The following PCDHA4 variants were observed in gnomAD, a reference collection of about 807,000 sequenced individuals.
PCDHA4 encodes protocadherin alpha-4.
Under a neutral mutation model 61.4 loss-of-function variants are expected in PCDHA4, and 49 were observed. The ratio of observed to expected loss-of-function variants is 0.80; its 90% CI spans 0.63 to 1.01. The LOEUF is 1.01. Among genes scored for constraint, PCDHA4 ranks in the 50% least tolerant of loss-of-function variants. The pLI, the probability that PCDHA4 is intolerant of heterozygous loss-of-function variation, is 0.00. For missense variants in PCDHA4, 1,254 were observed against 1,235.8 expected, an observed-to-expected ratio of 1.01 and a Z score of -0.22; for synonymous variants, 590 against 550.3, an observed-to-expected ratio of 1.07 and a Z score of -1.01.
chr5:140,835,129 T>C, intron 1 of PCDHA4: 1 of 1,358,528 alleles, frequency 7.4e-7, no homozygotes, highest in Non-Finnish European at 1.0e-6. Context: ...CTGTATACGG[T>C]GAAATTACCA....
intron 1 of PCDHA4, chr5:140,830,311 G>A (rs2150184835): frequency 2.0e-5 from 32 of 1,613,870 alleles, no homozygotes; most frequent in Non-Finnish European, 2.5e-5. Context: ...CCACGCTGGT[G>A]TGCTCCAGCG....
At chr5:140,882,071 ATGGTGTC>A in intron 1 of PCDHA4, 1 of 864,194 alleles carries the variant, frequency 1.2e-6, no homozygotes, top group Non-Finnish European at 1.7e-6. Context: ...GTTCATGCGC[ATGGTGTC>A]GCTCTTCACT....
At chr5:140,853,125 C>T (rs2150528645) in intron 1 of PCDHA4, 31 of 553,956 alleles carry the variant, frequency 5.6e-5, no homozygotes, top group South Asian at 1.5e-4. Context: ...ATGATCCTCC[C>T]GCCTCAGCCT....
At chr5:140,973,984 C>CT (rs2096610197) in intron 1 of PCDHA4, among the ~76,000 whole-genome samples, 1 of 152,186 alleles carries the variant, frequency 6.6e-6, no homozygotes, top group East Asian at 1.9e-4. Flanking sequence ...TTTTACAGAA[C>CT]TTCACCTGGA....
intron 3 of PCDHA4, 24 bp from the exon 4 acceptor site, chr5:141,009,603 G>A (rs1554262223): frequency 1.2e-6 from 2 of 1,608,568 alleles, no homozygotes; most frequent in African/African-American, 2.7e-5. Context: ...CCCTGTTAAT[G>A]ATTTGTAATG....
chr5:140,808,939 G>T lies in PCDHA4; in HGVS notation c.1752G>T (p.Ser584=), dbSNP rs1168359860. The change falls in exon 1 of 4, where the codon TCG becomes TCT. Residue 584 remains serine, a synonymous_variant. Coordinates refer to ENST00000530339, the MANE Select transcript of PCDHA4 (RefSeq NM_018907.4). ...GGAVSELVPW[S]VGVGHVVAKV... ...CAGTGAGCGAGCTGGTGCCATGGTC[G>T]GTGGGTGTGGGCCACGTGGTGGCAA... 1.2e-6 allele frequency: 2 copies of T among 1,613,726 alleles called. No individual in the cohort carries two copies. Among genetic ancestry groups the T allele is most frequent in the East Asian group, 4.5e-5 (2 of 44,878 alleles).
At position 140,869,155 on chromosome 5, in the gene PCDHA4, C is replaced by G. The variant is rs74664704; in HGVS notation, c.2385+59583C>G. On this transcript the variant is annotated intron_variant, in intron 1 of 3. Transcript: ENST00000530339. The stretch of plus-strand genomic sequence containing the variant: ...GGGCACCCCACGACTACAGCTCTGG[C>G]TTCTCCTCCTCGAATTCTGGGAGGT... 3.7e-4 allele frequency: 593 copies of G among 1,613,808 alleles called. 1 individual carries two copies. In the African/African-American group the frequency reaches 7.1e-3, roughly 19 times the overall value.
In PCDHA4 at chr5:140,808,238, G is replaced by C. The variant is rs1764130949; in HGVS notation, c.1051G>C (p.Glu351Gln). The C allele has an allele frequency of 6.2e-7, 1 of 1,614,228 alleles. No individual in the cohort carries two copies. The highest frequency in any genetic ancestry group is 1.7e-5 in the Admixed American group (1 of 60,024). The change falls in exon 1 of 4, where the codon GAA (glutamate) becomes CAA (glutamine). Residue 351 changes from glutamate (E) to glutamine (Q), a missense_variant. By Grantham distance (29) the Glu-to-Gln change is conservative. Transcript: ENST00000530339. The part of the protein sequence containing the change: ...EDNNDNVPDL[E>Q]FKSLSLPIRE... ...CAACAACGATAATGTCCCAGATTTGGAATTCAAGTCTTTATCACTTCCAAT... is the reference window on the plus strand; with the variant it reads ...CAACAACGATAATGTCCCAGATTTGCAATTCAAGTCTTTATCACTTCCAAT...
At chr5:140,968,256 A>G (rs782309414) in intron 1 of PCDHA4, 2 of 1,614,006 alleles carry the variant, frequency 1.2e-6, no homozygotes, top group East Asian at 4.5e-5. Flanking sequence ...ACAGACCCAG[A>G]TGAAAAGGAG....
At position 140,969,614 on chromosome 5, in the gene PCDHA4, T is replaced by G. The variant is rs56144348; in HGVS notation, c.2386-9335T>G. The G allele has an allele frequency of 1.3e-3, 977 of 725,126 alleles. 8 individuals are homozygous for G. In the African/African-American group the frequency reaches 0.016, roughly 12 times the overall value. 44.9% of individuals were successfully genotyped at this position (725,126 alleles called of 1,614,324 possible). A position where few individuals can be genotyped will look rare whatever the true frequency, so the allele number is the denominator to read the frequency against. ...AATATTTAATGCTAAAACACAGATT[T>G]GTAGAGAAACAGGACAGGCCTTGGA... On this transcript the variant is annotated intron_variant, in intron 1 of 3. Transcript: ENST00000530339.
intron 1 of PCDHA4, among the ~76,000 whole-genome samples, chr5:140,886,642 A>T (rs1412113366): frequency 6.6e-6 from 1 of 152,048 alleles, no homozygotes; most frequent in African/African-American, 2.4e-5. Flanking sequence ...CCTGGCCAAC[A>T]TGGTGAAACC....
chr5:140,877,325 C>G lies in PCDHA4; in HGVS notation c.2385+67753C>G. 1.2e-6 allele frequency: 2 copies of G among 1,613,974 alleles called. No individual in the cohort carries two copies. Among genetic ancestry groups the G allele is most frequent in the Non-Finnish European group, 1.7e-6 (2 of 1,179,864 alleles). The stretch of plus-strand genomic sequence containing the variant: ...GAGTTGCAACCGGCGGCGGTCGGCG[C>G]GCACATCCCGTTCCACGTGGGGCTG... On this transcript the variant is annotated intron_variant, in intron 1 of 3. Transcript: ENST00000530339.
intron 1 of PCDHA4, among the ~76,000 whole-genome samples, chr5:140,941,214 CCTTT>C (rs60032403): frequency 6.5e-5 from 8 of 122,492 alleles, no homozygotes; most frequent in Non-Finnish European, 1.2e-4. Context: ...TTTCTTTCTT[CCTTT>C]CTTTCTTTCT....
In PCDHA4 at chr5:140,843,032, G is replaced by A. The variant is rs2150350640; in HGVS notation, c.2385+33460G>A. The stretch of plus-strand genomic sequence containing the variant: ...GCCGGCACTGCTGGAGCCTCGGGTG[G>A]GTGGCACTGGTGGCGCAGCGAGCAA... On this transcript the variant is annotated intron_variant, in intron 1 of 3. Coordinates refer to ENST00000530339, the MANE Select transcript of PCDHA4 (RefSeq NM_018907.4). 13 of 1,595,002 alleles carry A rather than the reference G, an allele frequency of 8.2e-6. 1 individual carries two copies. In the South Asian group the frequency reaches 1.1e-4, roughly 14 times the overall value.
At chr5:140,911,030 C>A (rs995736934) in intron 1 of PCDHA4, among the ~76,000 whole-genome samples, 1 of 152,066 alleles carries the variant, frequency 6.6e-6, no homozygotes, top group East Asian at 1.9e-4. Context: ...AGTTATAGGT[C>A]TAGAAGCAAA....
intron 1 of PCDHA4, chr5:140,851,167 C>T: frequency 7.8e-7 from 1 of 1,282,038 alleles, no homozygotes. Context: ...GCTATGCTGC[C>T]ATAACACTTG....
chr5:140,828,305 G>A (rs2150153784), intron 1 of PCDHA4: 80 of 1,613,966 alleles, frequency 5.0e-5, no homozygotes, highest in Non-Finnish European at 6.7e-5. Flanking sequence ...CAAAGACCGC[G>A]AGGACCTTCT....
At chr5:140,825,477 T>C (rs1364531758) in intron 1 of PCDHA4, 1 of 150,372 alleles carries the variant, frequency 6.7e-6, no homozygotes, top group Non-Finnish European at 1.5e-5. Flanking sequence ...AATTTTGCTC[T>C]TGTTGCCCAA....
chr5:140,970,912 T>C (rs1035265875), intron 1 of PCDHA4, among the ~76,000 whole-genome samples: 3 of 152,212 alleles, frequency 2.0e-5, no homozygotes, highest in Non-Finnish European at 2.9e-5. Flanking sequence ...TTTATTCATT[T>C]ATCAGAAGTG....
Sources: allele counts gnomAD v4.1 joint callset (sites outside exome capture counted in the v4.1 genomes callset), GRCh38; gene constraint gnomAD v4.1.1; transcripts MANE v1.5; gene names NCBI Gene and HGNC (gene_info 2026-07-23, HGNC 2026-07-21).